BNC2: variants seen among roughly 807,000 people sequenced by gnomAD.
BNC2 encodes the protein basonuclin zinc finger protein 2.
Under a neutral mutation model 76.3 loss-of-function variants are expected in BNC2, and 20 were observed. The observed-to-expected ratio is 0.26, with a 90% CI of 0.18 to 0.38. The LOEUF is 0.38. BNC2 is among the 10% of genes least tolerant of loss of function. BNC2 has a pLI of 1.00. For missense variants in BNC2, 1,382 were observed against 1,399.8 expected, an observed-to-expected ratio of 0.99 and a Z score of 0.20; for synonymous variants, 582 against 514.8, an observed-to-expected ratio of 1.13 and a Z score of -1.77.
intron 5 of BNC2, among the ~76,000 whole-genome samples, chr9:16,461,510 G>A (rs766368324): frequency 6.6e-6 from 1 of 151,856 alleles, no homozygotes; most frequent in Non-Finnish European, 1.5e-5. Context: ...TCCTAAGTGA[G>A]GCCTCACAGA....
chr9:16,839,072 G>A (rs1183928162), intron 1 of BNC2, among the ~76,000 whole-genome samples: 1 of 152,162 alleles, frequency 6.6e-6, no homozygotes, highest in Non-Finnish European at 1.5e-5. Context: ...AGAAAGAGCT[G>A]ATACATAAAA....
chr9:16,805,770 G>T (rs1817894842), intron 1 of BNC2, among the ~76,000 whole-genome samples: 1 of 152,020 alleles, frequency 6.6e-6, no homozygotes, highest in Admixed American at 6.6e-5. Context: ...TTCTGCTTTA[G>T]TAGGGAGGGG....
intron 4 of BNC2, among the ~76,000 whole-genome samples, chr9:16,554,590 A>G (rs558348817): frequency 9.9e-5 from 15 of 152,270 alleles, no homozygotes; most frequent in African/African-American, 3.6e-4. Context: ...AAGCCTAGGG[A>G]TTGAAGTTTT....
intron 2 of BNC2, among the ~76,000 whole-genome samples, chr9:16,736,609 G>T (rs917537797): frequency 1.3e-5 from 2 of 151,364 alleles, no homozygotes; most frequent in East Asian, 3.9e-4. Context: ...CTCAGTAGCT[G>T]AGATTACAGG....
chr9:16,635,799 C>A (rs1405718545), intron 3 of BNC2, among the ~76,000 whole-genome samples: 1 of 152,144 alleles, frequency 6.6e-6, no homozygotes, highest in African/African-American at 2.4e-5. Flanking sequence ...AGGCCATAAT[C>A]AGTTTTTAAA....
chr9:16,505,704 C>CA (rs994981050), intron 5 of BNC2, among the ~76,000 whole-genome samples: 50 of 150,732 alleles, frequency 3.3e-4, no homozygotes, highest in African/African-American at 9.0e-4. Flanking sequence ...CAGTTAAAGA[C>CA]AAAAAAAAAT....
chr9:16,795,909 C>G (rs1307812869), intron 1 of BNC2, among the ~76,000 whole-genome samples: 1 of 152,142 alleles, frequency 6.6e-6, no homozygotes, highest in African/African-American at 2.4e-5. Context: ...AGAAAAAGAG[C>G]TAACATTTAC....
rs145916043 is a variant in BNC2 at position 16,436,124 on chromosome 9, G to C, written c.2070C>G (p.Asp690Glu). Residue 690 changes from aspartate to glutamate, a missense_variant, in exon 6 of 7, where the codon GAC becomes GAG. Asp to Glu is a conservative substitution (Grantham distance 45). Coordinates refer to ENST00000380672, the MANE Select transcript of BNC2 (RefSeq NM_017637.6). ...EEMSPGMSVK[D>E]FSKHNRTRCI... ...ACCGGGTCCTGTTATGCTTAGAAAA[G>C]TCCTTCACAGACATGCCTGGGCTCA... 51 of 1,614,016 alleles carry C rather than the reference G, an allele frequency of 3.2e-5. No individual in the cohort carries two copies. Among genetic ancestry groups the C allele is most frequent in the Middle Eastern group, 3.3e-4 (2 of 6,084 alleles).
At chr9:16,449,663 A>G (rs1821298121) in intron 5 of BNC2, among the ~76,000 whole-genome samples, 2 of 152,238 alleles carry the variant, frequency 1.3e-5, no homozygotes, top group South Asian at 4.1e-4. Flanking sequence ...TGAAATAAAA[A>G]TAAAAAGGCT....
At chr9:16,703,895 G>A (rs1202618148) in intron 3 of BNC2, among the ~76,000 whole-genome samples, 2 of 151,924 alleles carry the variant, frequency 1.3e-5, no homozygotes, top group Admixed American at 6.6e-5. Context: ...ATTAAAATGT[G>A]CACACACTCA....
At chr9:16,696,159 C>A (rs1459129377) in intron 3 of BNC2, among the ~76,000 whole-genome samples, 1 of 152,152 alleles carries the variant, frequency 6.6e-6, no homozygotes, top group South Asian at 2.1e-4. Context: ...TACTTGCCAA[C>A]TAGTGCTATA....
intron 5 of BNC2, among the ~76,000 whole-genome samples, chr9:16,495,290 C>T (rs1822364218): frequency 6.6e-6 from 1 of 152,136 alleles, no homozygotes; most frequent in Admixed American, 6.5e-5. Flanking sequence ...AGCAAATATT[C>T]CCAGATATTA....
intron 3 of BNC2, among the ~76,000 whole-genome samples, chr9:16,659,474 G>GGC (rs1822040581): frequency 1.3e-5 from 2 of 152,034 alleles, no homozygotes; most frequent in Non-Finnish European, 1.5e-5. Context: ...TGTGTGTGGT[G>GGC]GTGCATGCCT....
At chr9:16,700,640 A>G (rs995861195) in intron 3 of BNC2, among the ~76,000 whole-genome samples, 4 of 152,100 alleles carry the variant, frequency 2.6e-5, no homozygotes, top group Non-Finnish European at 5.9e-5. Flanking sequence ...TATTTACCCC[A>G]CAGTCTTTCA....
chr9:16,437,841 T>C (rs1671248610), intron 5 of BNC2, among the ~76,000 whole-genome samples: 16 of 152,200 alleles, frequency 1.1e-4, no homozygotes, highest in Admixed American at 9.8e-4. Context: ...CTATATACTA[T>C]GCAACTATTT....
intron 1 of BNC2, among the ~76,000 whole-genome samples, chr9:16,743,311 T>C (rs1333620584): frequency 6.6e-6 from 1 of 151,174 alleles, no homozygotes; most frequent in Non-Finnish European, 1.5e-5. Flanking sequence ...ACTTTTTACT[T>C]TTTTTTTTCC....
chr9:16,780,888 T>C (rs190087107), intron 1 of BNC2, among the ~76,000 whole-genome samples: 1 of 152,296 alleles, frequency 6.6e-6, no homozygotes, highest in East Asian at 1.9e-4. Flanking sequence ...CAGTTTTCTT[T>C]TAATTCTTAA....
intron 1 of BNC2, among the ~76,000 whole-genome samples, chr9:16,858,427 AAAC>A (rs1408221567): frequency 6.6e-6 from 1 of 152,222 alleles, no homozygotes; most frequent in African/African-American, 2.4e-5. Context: ...TTTTTTACCT[AAAC>A]AATAGAATGT....
chr9:16,521,151 T>G (rs1587127984), intron 5 of BNC2, among the ~76,000 whole-genome samples: 2 of 152,296 alleles, frequency 1.3e-5, no homozygotes, highest in East Asian at 3.9e-4. Context: ...TAGCCTGCCC[T>G]GGGAGTTTTC....
Sources: allele counts gnomAD v4.1 joint callset (sites outside exome capture counted in the v4.1 genomes callset), GRCh38; gene constraint gnomAD v4.1.1; transcripts MANE v1.5; gene names NCBI Gene and HGNC (gene_info 2026-07-23, HGNC 2026-07-21).